The following GRIN2B variants were observed in gnomAD, a reference collection of about 807,000 sequenced individuals.
GRIN2B encodes the protein glutamate receptor ionotropic, NMDA 2B.
A neutral mutation model predicts 114.5 loss-of-function variants in GRIN2B; 5 were observed. That is an observed-to-expected ratio of 0.04 (90% CI 0.02 to 0.09). The LOEUF is 0.09. Among genes scored for constraint, GRIN2B ranks in the 10% least tolerant of loss-of-function variants. The pLI is 1.00. For missense variants in GRIN2B, 1,108 were observed against 1,943.5 expected (o/e 0.57, Z 8.08); for synonymous variants, 787 against 745.1 (o/e 1.06, Z -0.92).
intron 5 of GRIN2B, among the ~76,000 whole-genome samples, chr12:13,650,486 G>A (rs1356864752): frequency 6.6e-6 from 1 of 152,040 alleles, no homozygotes; most frequent in African/African-American, 2.4e-5. Context: ...CCCTTTACAT[G>A]TGTGTTGATT....
intron 3 of GRIN2B, among the ~76,000 whole-genome samples, chr12:13,821,670 G>C (rs1201887196): frequency 1.3e-5 from 2 of 152,106 alleles, no homozygotes; most frequent in Non-Finnish European, 2.9e-5. Flanking sequence ...TGATCATTTG[G>C]TCATTTAGAA....
chr12:13,924,241 G>A (rs756964929), intron 2 of GRIN2B, among the ~76,000 whole-genome samples: 1 of 152,090 alleles, frequency 6.6e-6, no homozygotes, highest in Non-Finnish European at 1.5e-5. Flanking sequence ...TATCAGTCAG[G>A]GTCCCAACAT....
chr12:13,575,802 G>A (rs1333732375), intron 10 of GRIN2B, among the ~76,000 whole-genome samples: 4 of 152,070 alleles, frequency 2.6e-5, no homozygotes, highest in South Asian at 4.1e-4. Flanking sequence ...CAGGCCAGCT[G>A]CATGAACATG....
intron 2 of GRIN2B, among the ~76,000 whole-genome samples, chr12:13,971,396 A>G (rs1259375993): frequency 6.6e-6 from 1 of 152,222 alleles, no homozygotes. Context: ...TAAGCCAAAA[A>G]GGAAGGATGT....
intron 3 of GRIN2B, among the ~76,000 whole-genome samples, chr12:13,820,266 C>T (rs568931161): frequency 2.7e-4 from 41 of 152,292 alleles, no homozygotes; most frequent in Non-Finnish European, 5.9e-4. Context: ...CTAATCTCCA[C>T]CACCTAGGGA....
intron 10 of GRIN2B, among the ~76,000 whole-genome samples, chr12:13,576,559 T>C (rs1030697666): frequency 5.3e-5 from 8 of 150,782 alleles, no homozygotes; most frequent in Admixed American, 1.3e-4. Context: ...TTTTCTTTTT[T>C]TTTTTGAAAC....
intron 2 of GRIN2B, among the ~76,000 whole-genome samples, chr12:13,974,106 G>C (rs796883732): frequency 2.6e-5 from 4 of 152,322 alleles, no homozygotes; most frequent in African/African-American, 7.2e-5. Context: ...TGTCTGAAGG[G>C]CATGGCAACT....
chr12:13,859,034 C>T (rs749063586), intron 3 of GRIN2B, among the ~76,000 whole-genome samples: 38 of 152,320 alleles, frequency 2.5e-4, no homozygotes, highest in Middle Eastern at 3.4e-3. Context: ...ATGGCATATA[C>T]TAAGCACCAA....
chr12:13,752,990 C>T (rs1259804184), intron 4 of GRIN2B, among the ~76,000 whole-genome samples: 1 of 152,194 alleles, frequency 6.6e-6, no homozygotes, highest in Non-Finnish European at 1.5e-5. Context: ...ATAATTTACA[C>T]CTCCAAGCCT....
chr12:13,654,487 T>C (rs1395380115), intron 5 of GRIN2B, among the ~76,000 whole-genome samples: 1 of 152,210 alleles, frequency 6.6e-6, no homozygotes, highest in Non-Finnish European at 1.5e-5. Flanking sequence ...CTGACTCTGA[T>C]GGTCTCTGCT....
At chr12:13,741,982 TG>T (rs1307430297) in intron 4 of GRIN2B, among the ~76,000 whole-genome samples, 8 of 152,248 alleles carry the variant, frequency 5.3e-5, no homozygotes, top group Non-Finnish European at 8.8e-5. Context: ...TCTAAATTGC[TG>T]AAGCTTAGTA....
chr12:13,814,252 C>T (rs551032354), intron 3 of GRIN2B, among the ~76,000 whole-genome samples: 2 of 152,178 alleles, frequency 1.3e-5, no homozygotes, highest in African/African-American at 2.4e-5. Context: ...GAGTATTCCT[C>T]AGTATGCACT....
chr12:13,879,660 C>T (rs975673200), intron 2 of GRIN2B, among the ~76,000 whole-genome samples: 1 of 152,164 alleles, frequency 6.6e-6, no homozygotes. Context: ...CTTGACCCTG[C>T]TAGAATAGCA....
At chr12:13,603,122 T>C (rs1949186066) in intron 10 of GRIN2B, among the ~76,000 whole-genome samples, 1 of 152,158 alleles carries the variant, frequency 6.6e-6, no homozygotes, top group East Asian at 1.9e-4. Context: ...GGTCACTCTA[T>C]ACACAGGCTA....
chr12:13,603,428 T>A (rs1591634283), intron 10 of GRIN2B, among the ~76,000 whole-genome samples: 1 of 152,206 alleles, frequency 6.6e-6, no homozygotes, highest in African/African-American at 2.4e-5. Context: ...GGGGCTATAG[T>A]GAGCCAGGAA....
intron 5 of GRIN2B, among the ~76,000 whole-genome samples, chr12:13,624,017 C>G (rs893816828): frequency 2.0e-5 from 3 of 152,160 alleles, no homozygotes; most frequent in African/African-American, 7.2e-5. Flanking sequence ...GTTCTGCATT[C>G]TCCTTGGCCC....
chr12:13,895,465 G>C (rs1174553474), intron 2 of GRIN2B, among the ~76,000 whole-genome samples: 6 of 152,084 alleles, frequency 3.9e-5, no homozygotes, highest in Non-Finnish European at 7.4e-5. Context: ...CTGTCCTGGT[G>C]GTCACTAATA....
At chr12:13,832,057 T>C (rs1865158499) in intron 3 of GRIN2B, among the ~76,000 whole-genome samples, 1 of 152,166 alleles carries the variant, frequency 6.6e-6, no homozygotes, top group Admixed American at 6.5e-5. Flanking sequence ...TTTTATTTAT[T>C]GGTGCTGGCC....
chr12:13,859,745 C>T (rs1308563368), intron 3 of GRIN2B, among the ~76,000 whole-genome samples: 1 of 152,162 alleles, frequency 6.6e-6, no homozygotes, highest in African/African-American at 2.4e-5. Context: ...GATTTAGTTT[C>T]CCCATCAAGA....
Sources: gnomAD v4.1 joint callset for allele counts (sites outside exome capture counted in the v4.1 genomes callset) on GRCh38, gnomAD v4.1.1 for gene constraint, MANE v1.5 for transcripts, NCBI Gene and HGNC (gene_info 2026-07-23, HGNC 2026-07-21) for gene names.